ENTREP2: variants seen among roughly 807,000 people sequenced by gnomAD.
The protein encoded by ENTREP2 is endosomal transmembrane epsin interactor 2.
chr15:29,672,148 G>A, the ENTREP2 span, among the ~76,000 whole-genome samples: 5 of 152,028 alleles, frequency 3.3e-5, no homozygotes, highest in Admixed American at 6.6e-5. Context: ...CACCATACCC[G>A]GCTAATTTTT....
At chr15:29,478,306 T>C in the ENTREP2 span, among the ~76,000 whole-genome samples, 77,198 of 151,542 alleles carry the variant, frequency 0.51, 20,854 homozygotes, top group African/African-American at 0.71. Flanking sequence ...GGATTATAGG[T>C]GTGAGCCACC....
At chr15:29,421,985 G>A in the ENTREP2 span, among the ~76,000 whole-genome samples, 1 of 152,138 alleles carries the variant, frequency 6.6e-6, no homozygotes, top group African/African-American at 2.4e-5. Flanking sequence ...TGAGGACATG[G>A]GGCCGGGCAC....
At chr15:29,260,914 A>AG in the ENTREP2 span, among the ~76,000 whole-genome samples, 4 of 152,232 alleles carry the variant, frequency 2.6e-5, no homozygotes, top group African/African-American at 9.6e-5. Context: ...CTCCAGGAGG[A>AG]GATAATGATG....
chr15:29,505,962 T>G, the ENTREP2 span, among the ~76,000 whole-genome samples: 1 of 152,014 alleles, frequency 6.6e-6, no homozygotes, highest in Non-Finnish European at 1.5e-5. This position sits in a 1 kb window ranked among gnomAD's most constrained non-coding sequence, Gnocchi z 4.3. Flanking sequence ...AACAAACTCC[T>G]CCTAGCTAAG....
the ENTREP2 span, among the ~76,000 whole-genome samples, chr15:29,592,924 A>G: frequency 6.6e-6 from 1 of 152,160 alleles, no homozygotes; most frequent in Non-Finnish European, 1.5e-5. Flanking sequence ...ACCTTACACC[A>G]TGAGTGGAAG....
the ENTREP2 span, among the ~76,000 whole-genome samples, chr15:29,248,785 T>C: frequency 6.6e-6 from 1 of 152,096 alleles, no homozygotes; most frequent in Non-Finnish European, 1.5e-5. Flanking sequence ...AGCATTATCA[T>C]ATATTGGGAA....
At chr15:29,568,776 C>A in the ENTREP2 span, among the ~76,000 whole-genome samples, 1 of 149,542 alleles carries the variant, frequency 6.7e-6, no homozygotes, top group African/African-American at 2.5e-5. Flanking sequence ...ACTGCAAAAG[C>A]AAACTGAATT....
At chr15:29,489,256 C>A in the ENTREP2 span, among the ~76,000 whole-genome samples, 1 of 152,016 alleles carries the variant, frequency 6.6e-6, no homozygotes, top group Non-Finnish European at 1.5e-5. Flanking sequence ...CCTGCCTGGC[C>A]GAGAGAAATA....
the ENTREP2 span, chr15:29,136,584 GGC>G: frequency 6.9e-7 from 1 of 1,439,980 alleles, no homozygotes; most frequent in Non-Finnish European, 9.2e-7. Context: ...CCAGAGCAGG[GGC>G]GGCCAGGGCT....
the ENTREP2 span, among the ~76,000 whole-genome samples, chr15:29,635,763 C>T: frequency 6.6e-6 from 1 of 152,300 alleles, no homozygotes; most frequent in Non-Finnish European, 1.5e-5. Flanking sequence ...GTGTCTGCTC[C>T]AGCCACCTGT....
the ENTREP2 span, among the ~76,000 whole-genome samples, chr15:29,175,501 C>A: frequency 6.6e-6 from 1 of 152,210 alleles, no homozygotes; most frequent in African/African-American, 2.4e-5. Context: ...TTATGAGACG[C>A]CCATCCAAGA....
the ENTREP2 span, among the ~76,000 whole-genome samples, chr15:29,634,238 G>A: frequency 6.6e-6 from 1 of 152,086 alleles, no homozygotes; most frequent in Non-Finnish European, 1.5e-5. Flanking sequence ...CAAGCTTAGA[G>A]CATGTCTTTA....
At chr15:29,613,862 AT>A in the ENTREP2 span, 1 of 169,166 alleles carries the variant, frequency 5.9e-6, no homozygotes, top group Admixed American at 6.1e-5. Context: ...AGCCAGCTGT[AT>A]AGGGCTCTCA....
the ENTREP2 span, among the ~76,000 whole-genome samples, chr15:29,502,111 A>T: frequency 6.6e-6 from 1 of 151,872 alleles, no homozygotes; most frequent in African/African-American, 2.4e-5. Flanking sequence ...TTTTGCAAGG[A>T]TCAACAAACT....
At chr15:29,566,182 CAG>C in the ENTREP2 span, among the ~76,000 whole-genome samples, 2 of 151,372 alleles carry the variant, frequency 1.3e-5, no homozygotes, top group African/African-American at 4.9e-5. Flanking sequence ...TTTTCTGAGA[CAG>C]AGTCTTACTC....
the ENTREP2 span, among the ~76,000 whole-genome samples, chr15:29,285,638 A>G: frequency 6.6e-6 from 1 of 152,208 alleles, no homozygotes; most frequent in South Asian, 2.1e-4. Flanking sequence ...GAACATTTGA[A>G]GAAGAAATAA....
the ENTREP2 span, among the ~76,000 whole-genome samples, chr15:29,322,354 G>A: frequency 6.6e-6 from 1 of 152,092 alleles, no homozygotes; most frequent in Non-Finnish European, 1.5e-5. Context: ...ACCACATTGT[G>A]CAGTAGATCT....
chr15:29,635,895 C>CT, the ENTREP2 span, among the ~76,000 whole-genome samples: 3 of 152,220 alleles, frequency 2.0e-5, no homozygotes, highest in Non-Finnish European at 2.9e-5. Context: ...ACTGGGACCT[C>CT]TTGAGCCAGG....
chr15:29,381,772 T>C, the ENTREP2 span: 1 of 1,551,186 alleles, frequency 6.4e-7, no homozygotes, highest in East Asian at 2.4e-5. Context: ...AGGTGCCACT[T>C]ACCACAAGGG....
Sources: allele counts gnomAD v4.1 joint callset (sites outside exome capture counted in the v4.1 genomes callset), GRCh38; gene constraint gnomAD v4.1.1; non-coding constraint Gnocchi (gnomAD v3.1); transcripts MANE v1.5; gene names NCBI Gene and HGNC (gene_info 2026-07-23, HGNC 2026-07-21).